PLPP4: variants seen among roughly 807,000 people sequenced by gnomAD.
PLPP4 encodes diacylglycerol pyrophosphate like 2.
Under a neutral mutation model 32.2 loss-of-function variants are expected in PLPP4, and 20 were observed. The ratio of observed to expected loss-of-function variants is 0.62; its 90% CI spans 0.44 to 0.90. The LOEUF (loss-of-function observed/expected upper bound fraction) is 0.90. Among genes scored for constraint, PLPP4 ranks in the 40% least tolerant of loss-of-function variants. The probability of loss-of-function intolerance (pLI) is 0.00; values close to 1 mark genes in which losing one functional copy is unlikely to be tolerated. For missense variants in PLPP4, 257 were observed against 353.1 expected (o/e 0.73, Z 2.18); for synonymous variants, 127 against 133.0 (o/e 0.95, Z 0.31).
intron 5 of PLPP4, among the ~76,000 whole-genome samples, chr10:120,531,495 G>T (rs200903556): frequency 6.6e-6 from 1 of 152,074 alleles, no homozygotes; most frequent in Admixed American, 6.5e-5. Context: ...TATGGCTATT[G>T]CACTCTGTGT....
At chr10:120,510,304 T>C (rs1205464269) in intron 2 of PLPP4, among the ~76,000 whole-genome samples, 1 of 152,184 alleles carries the variant, frequency 6.6e-6, no homozygotes, top group Admixed American at 6.5e-5. Flanking sequence ...TTGTTTTCTC[T>C]CAGGTCTCAG....
chr10:120,459,250 T>C (rs1475114381), intron 1 of PLPP4, among the ~76,000 whole-genome samples: 2 of 152,216 alleles, frequency 1.3e-5, no homozygotes, highest in Non-Finnish European at 2.9e-5. Context: ...TTGTCACACA[T>C]GGACATTGAT....
intron 6 of PLPP4, among the ~76,000 whole-genome samples, chr10:120,588,283 G>A (rs1396140831): frequency 3.3e-5 from 5 of 152,234 alleles, no homozygotes; most frequent in Non-Finnish European, 7.3e-5. Flanking sequence ...TCTCTATTGA[G>A]AACTACCTGA....
chr10:120,582,789 CCCTCCCTCCCTCCCTT>C (rs1849577577), intron 6 of PLPP4, among the ~76,000 whole-genome samples: 1 of 114,942 alleles, frequency 8.7e-6, no homozygotes, highest in African/African-American at 3.3e-5. Flanking sequence ...CTCCCTCCCT[CCCTCCCTCCCTCCCTT>C]CCTTCCTTCC....
At chr10:120,464,201 C>T (rs548271460) in intron 1 of PLPP4, among the ~76,000 whole-genome samples, 10 of 152,162 alleles carry the variant, frequency 6.6e-5, no homozygotes, top group African/African-American at 1.7e-4. Flanking sequence ...TGGGAATGTC[C>T]GTCATATTCA....
intron 1 of PLPP4, among the ~76,000 whole-genome samples, chr10:120,495,648 C>T (rs1385527953): frequency 6.6e-6 from 1 of 151,154 alleles, no homozygotes; most frequent in Non-Finnish European, 1.5e-5. Context: ...TTTTTTTCTT[C>T]AGATCTCAGG....
At chr10:120,548,472 T>C (rs1045044373) in intron 5 of PLPP4, among the ~76,000 whole-genome samples, 2 of 152,196 alleles carry the variant, frequency 1.3e-5, no homozygotes, top group African/African-American at 4.8e-5. Context: ...CTTTATCCAG[T>C]CTACCACTGA....
At chr10:120,563,806 C>CAAAAAA (rs139746974) in intron 5 of PLPP4, among the ~76,000 whole-genome samples, 30 of 86,460 alleles carry the variant, frequency 3.5e-4, no homozygotes, top group African/African-American at 1.0e-3. Context: ...GACTCCGTCT[C>CAAAAAA]AAAAAAAAAA....
intron 1 of PLPP4, among the ~76,000 whole-genome samples, chr10:120,495,103 A>G (rs1281194338): frequency 1.3e-5 from 2 of 152,226 alleles, no homozygotes; most frequent in African/African-American, 4.8e-5. Flanking sequence ...GACTTAGGCA[A>G]GACATCTGAC....
At chr10:120,482,621 G>A (rs969023612) in intron 1 of PLPP4, among the ~76,000 whole-genome samples, 2 of 152,072 alleles carry the variant, frequency 1.3e-5, no homozygotes, top group Non-Finnish European at 1.5e-5. Flanking sequence ...GAAAAATCCT[G>A]TCGCCAGGCG....
intron 2 of PLPP4, among the ~76,000 whole-genome samples, chr10:120,512,990 A>G (rs768201949): frequency 1.3e-5 from 2 of 152,164 alleles, no homozygotes; most frequent in Admixed American, 6.5e-5. Flanking sequence ...TGCTAGGCCA[A>G]TTCTGGATTT....
At chr10:120,467,596 G>T (rs556244918) in intron 1 of PLPP4, among the ~76,000 whole-genome samples, 1 of 64,650 alleles carries the variant, frequency 1.5e-5, no homozygotes, top group African/African-American at 3.3e-5. Context: ...AGAGTTAAGG[G>T]TTAATGCTCC....
At chr10:120,478,612 G>A (rs1236576136) in intron 1 of PLPP4, among the ~76,000 whole-genome samples, 1 of 152,158 alleles carries the variant, frequency 6.6e-6, no homozygotes, top group African/African-American at 2.4e-5. Flanking sequence ...TTAGTCTTAA[G>A]CCTGCTCCCA....
At position 120,530,779 on chromosome 10, in the gene PLPP4, A is replaced by G. The variant is rs185547366; in HGVS notation, c.445+9684A>G. Among the ~76,000 whole-genome samples the G allele has an allele frequency of 5.4e-4, 82 of 152,196 alleles. 1 individual carries two copies. Among genetic ancestry groups the G allele is most frequent in the Admixed American group, 3.9e-4 (6 of 15,286 alleles). On this transcript the variant is annotated intron_variant, in intron 5 of 6. Transcript: ENST00000398250. Reference sequence around the variant, plus strand: ...CAGTTGGCATTCTCATGGGCAATCTATGAAAATTCCAGTACTCCATGTCCT... The same window carrying G: ...CAGTTGGCATTCTCATGGGCAATCTGTGAAAATTCCAGTACTCCATGTCCT...
intron 6 of PLPP4, among the ~76,000 whole-genome samples, chr10:120,578,386 C>A (rs1309467898): frequency 6.6e-6 from 1 of 152,190 alleles, no homozygotes; most frequent in Non-Finnish European, 1.5e-5. Context: ...CGGGGGCCAT[C>A]CATCATGGTG....
At chr10:120,478,002 G>A (rs895548049) in intron 1 of PLPP4, among the ~76,000 whole-genome samples, 1 of 152,154 alleles carries the variant, frequency 6.6e-6, no homozygotes, top group Non-Finnish European at 1.5e-5. Flanking sequence ...CACACAACAA[G>A]GAAGGGGTCA....
At chr10:120,458,627 A>G (rs1847898858) in intron 1 of PLPP4, among the ~76,000 whole-genome samples, 1 of 151,768 alleles carries the variant, frequency 6.6e-6, no homozygotes, top group African/African-American at 2.4e-5. Context: ...CCCCAGATGC[A>G]AGCAAGCCCC....
Position 120,457,304 on chromosome 10 carries a change from C to G in PLPP4, c.-2C>G. ...CGCCGCGGGAGCTGCTCCGGCCGCA[C>G]CATGCGGGAGCTGGCCATTGAGATC... On this transcript the variant is annotated 5_prime_UTR_variant, in exon 1 of 7. Transcript: ENST00000398250. 1 of 1,520,902 alleles carries G rather than the reference C, an allele frequency of 6.6e-7. No individual in the cohort carries two copies. The highest frequency in any genetic ancestry group is 8.8e-7 in the Non-Finnish European group (1 of 1,132,678). The allele number at this position is 1,520,902 out of a possible 1,614,324, so 94.2% of individuals were successfully genotyped here.
Position 120,482,615 on chromosome 10 carries a change from A to T in PLPP4, c.57-21203A>T, listed in dbSNP as rs114399544. Among the ~76,000 whole-genome samples the T allele has an allele frequency of 7.2e-3, 1,090 of 152,216 alleles. 11 individuals carry two copies. The highest frequency in any genetic ancestry group is 0.024 in the African/African-American group (1,013 of 41,542). On this transcript the variant is annotated intron_variant, in intron 1 of 6. Transcript: ENST00000398250. ...GCCTGACAATGCAATTGAAAAGAAA[A>T]ATCCTGTCGCCAGGCGCAGTGGCTC... is the stretch of plus-strand genomic sequence containing the variant.
Sources: gnomAD v4.1 joint callset for allele counts (sites outside exome capture counted in the v4.1 genomes callset) on GRCh38, gnomAD v4.1.1 for gene constraint, MANE v1.5 for transcripts, NCBI Gene and HGNC (gene_info 2026-07-23, HGNC 2026-07-21) for gene names.